CTNNA2: variants seen among roughly 807,000 people sequenced by gnomAD.
CTNNA2 encodes catenin alpha-2.
A neutral mutation model predicts 101.0 loss-of-function variants in CTNNA2; 42 were observed. The ratio of observed to expected loss-of-function variants is 0.42; its 90% confidence interval spans 0.32 to 0.54. The LOEUF is 0.54. CTNNA2 is among the 20% of genes least tolerant of loss of function. The pLI is 0.14. For synonymous variants in CTNNA2, 450 were observed against 456.4 expected, an observed-to-expected ratio of 0.99 and a Z score of 0.18; for missense variants, 871 against 1,223.1, an observed-to-expected ratio of 0.71 and a Z score of 4.29.
intron 3 of CTNNA2, among the ~76,000 whole-genome samples, chr2:79,840,718 C>T (rs1164164371): frequency 2.0e-5 from 3 of 151,088 alleles, no homozygotes; most frequent in African/African-American, 7.3e-5. Flanking sequence ...GGAGCACTTG[C>T]GGCCAGGAGT....
chr2:79,516,531 T>C (rs1274970367), intron 1 of CTNNA2, among the ~76,000 whole-genome samples: 1 of 152,164 alleles, frequency 6.6e-6, no homozygotes, highest in African/African-American at 2.4e-5. Flanking sequence ...ACTGGAAGAT[T>C]TGGCATACAG....
In CTNNA2 at chr2:79,616,691, G is replaced by C. The variant is rs574080771; in HGVS notation, c.-5-34861G>C. 7.9e-5 allele frequency among the ~76,000 whole-genome samples: 12 copies of C among 151,862 alleles called. No individual in the cohort carries two copies. In the South Asian group the frequency reaches 2.5e-3, roughly 32 times the overall value. The stretch of plus-strand genomic sequence containing the variant: ...TTCCTCTTGGTATACTTTTCTTCTT[G>C]TTTAGTAGATATTTCAGTGAAAAGA... On this transcript the variant is annotated intron_variant, in intron 1 of 18. Transcript: ENST00000402739.
At chr2:79,232,588 T>C (rs759221239) in intron 2 of CTNNA2, among the ~76,000 whole-genome samples, 2 of 152,172 alleles carry the variant, frequency 1.3e-5, no homozygotes, top group Non-Finnish European at 2.9e-5. Context: ...CCTATCAACT[T>C]TTTGGAATAG....
At chr2:80,017,279 T>C (rs899183800) in intron 7 of CTNNA2, among the ~76,000 whole-genome samples, 3 of 152,064 alleles carry the variant, frequency 2.0e-5, no homozygotes, top group Non-Finnish European at 4.4e-5. Context: ...CTAGTAGGTG[T>C]GCAACTAATA....
At chr2:79,671,104 A>G (rs928290822) in intron 2 of CTNNA2, among the ~76,000 whole-genome samples, 2 of 152,362 alleles carry the variant, frequency 1.3e-5, no homozygotes, top group South Asian at 4.1e-4. Flanking sequence ...GAGCACGTGA[A>G]TGAGATTGGC....
rs1227435795 is a variant in CTNNA2, at chr2:79,777,325, TTATGTGTG to T, written c.298+32745_298+32752del. On this transcript the variant is annotated intron_variant, in intron 3 of 18. Coordinates refer to ENST00000402739, the MANE Select transcript of CTNNA2 (RefSeq NM_001282597.3). ...GCTCTTAGCCCATACCAAACACTTG[TTATGTGTG>T]TGTGTGTGTGTGTGTGTGTGTGTGT... Among the ~76,000 whole-genome samples the T allele has an allele frequency of 3.0e-3, 377 of 124,436 alleles. 2 individuals are homozygous for T. Among genetic ancestry groups the T allele is most frequent in the East Asian group, 9.5e-3 (38 of 3,998 alleles). The allele number at this position is 124,436 out of a possible 152,430, so 81.6% of individuals were successfully genotyped here.
chr2:79,972,327 A>G (rs531034704), intron 7 of CTNNA2, among the ~76,000 whole-genome samples: 14 of 152,330 alleles, frequency 9.2e-5, no homozygotes, highest in African/African-American at 2.9e-4. Context: ...TACCCCAGAA[A>G]TTCAAACAGA....
At chr2:80,362,063 A>T (rs1157318409) in intron 7 of CTNNA2, among the ~76,000 whole-genome samples, 1 of 152,144 alleles carries the variant, frequency 6.6e-6, no homozygotes, top group Admixed American at 6.6e-5. Context: ...TAGCTAATTG[A>T]CTTTGTCTCA....
chr2:79,930,347 A>C (rs1359639427), intron 7 of CTNNA2, among the ~76,000 whole-genome samples: 16 of 93,086 alleles, frequency 1.7e-4, no homozygotes, highest in South Asian at 7.5e-4. Context: ...AAAGAAAGAA[A>C]GAAAGAAAGA....
chr2:79,661,938 C>T (rs1255241374), intron 2 of CTNNA2, among the ~76,000 whole-genome samples: 1 of 151,352 alleles, frequency 6.6e-6, no homozygotes, highest in Admixed American at 6.6e-5. Context: ...AAAATGTGGA[C>T]TGAAAATACT....
At chr2:80,210,653 GAATA>G (rs1707830084) in intron 7 of CTNNA2, among the ~76,000 whole-genome samples, 1 of 152,126 alleles carries the variant, frequency 6.6e-6, no homozygotes, top group Admixed American at 6.5e-5. Flanking sequence ...TTGCTATTGT[GAATA>G]GTGCCGCAAT....
intron 7 of CTNNA2, among the ~76,000 whole-genome samples, chr2:80,330,768 A>G (rs1157194473): frequency 6.6e-6 from 1 of 152,060 alleles, no homozygotes; most frequent in African/African-American, 2.4e-5. Flanking sequence ...TTACTACTAT[A>G]GCAACGGCTC....
chr2:79,739,061 G>C (rs1372007790), intron 2 of CTNNA2, among the ~76,000 whole-genome samples: 13 of 151,406 alleles, frequency 8.6e-5, no homozygotes, highest in Admixed American at 7.9e-4. Flanking sequence ...TTTGTTGCAG[G>C]GACTTTGCTG....
chr2:80,584,321 A>C (rs1249307651), intron 14 of CTNNA2, among the ~76,000 whole-genome samples: 1 of 151,986 alleles, frequency 6.6e-6, no homozygotes, highest in Non-Finnish European at 1.5e-5. Context: ...AGCTTTTAGT[A>C]ACCCCATCCA....
intron 9 of CTNNA2, among the ~76,000 whole-genome samples, chr2:80,447,881 G>A (rs1224023315): frequency 6.6e-6 from 1 of 152,200 alleles, no homozygotes; most frequent in Non-Finnish European, 1.5e-5. Flanking sequence ...GAACGCAGAA[G>A]CTTGCTCATT....
chr2:79,213,319 T>A (rs1316950097), intron 2 of CTNNA2, among the ~76,000 whole-genome samples: 1 of 152,214 alleles, frequency 6.6e-6, no homozygotes, highest in Non-Finnish European at 1.5e-5. Context: ...AGAAGTGTTT[T>A]TATTAAAGAG....
chr2:79,321,405 G>T (rs755840001), intron 3 of CTNNA2, among the ~76,000 whole-genome samples: 1 of 143,692 alleles, frequency 7.0e-6, no homozygotes, highest in African/African-American at 2.6e-5. Flanking sequence ...GTAATTTGGG[G>T]CTGAGTTGTG....
chr2:80,395,218 G>A (rs1413647082), intron 8 of CTNNA2, among the ~76,000 whole-genome samples: 1 of 152,202 alleles, frequency 6.6e-6, no homozygotes, highest in Non-Finnish European at 1.5e-5. Context: ...TAAGATGGCA[G>A]TGGAAGGAGT....
At chr2:79,377,892 C>T (rs1677997255) in intron 4 of CTNNA2, among the ~76,000 whole-genome samples, 2 of 152,142 alleles carry the variant, frequency 1.3e-5, no homozygotes, top group Admixed American at 6.5e-5. Context: ...AGTCCTTAGT[C>T]TCTGACCTAG....
Sources: gnomAD v4.1 joint callset for allele counts (sites outside exome capture counted in the v4.1 genomes callset) on GRCh38, gnomAD v4.1.1 for gene constraint, MANE v1.5 for transcripts, NCBI Gene and HGNC (gene_info 2026-07-23, HGNC 2026-07-21) for gene names.